CFAP100: variants seen among roughly 807,000 people sequenced by gnomAD.
The protein encoded by CFAP100 is cilia- and flagella-associated protein 100.
In CFAP100, 70 loss-of-function variants were observed where a neutral mutation model predicts 81.5. That is an observed-to-expected ratio of 0.86 (90% CI 0.71 to 1.05). The LOEUF (loss-of-function observed/expected upper bound fraction) is 1.05, where lower values mean the gene tolerates loss of function less well. Ranked by LOEUF, CFAP100 falls within the 50% of genes least tolerant of loss-of-function variation. CFAP100 has a pLI of 0.00. For synonymous variants in CFAP100, 341 were observed against 314.8 expected (o/e 1.08, Z -0.88); for missense variants, 811 against 776.5 (o/e 1.04, Z -0.53).
intron 2 of CFAP100, among the ~76,000 whole-genome samples, chr3:126,401,848 A>G (rs2082989142): frequency 6.6e-6 from 1 of 152,034 alleles, no homozygotes; most frequent in African/African-American, 2.4e-5. Flanking sequence ...TGTGCTCCCC[A>G]GGCTCACACC....
At chr3:126,411,445 T>A (rs2083154863) in intron 3 of CFAP100, among the ~76,000 whole-genome samples, 1 of 143,824 alleles carries the variant, frequency 7.0e-6, no homozygotes, top group Non-Finnish European at 1.5e-5. Flanking sequence ...TCTATGAGGA[T>A]CTCTTCTTTC....
chr3:126,396,405 T>G, intron 2 of CFAP100: 1 of 236,108 alleles, frequency 4.2e-6, no homozygotes, highest in Non-Finnish European at 8.2e-6. Flanking sequence ...CTTTGGCTTG[T>G]AGAAGCATCA....
intron 2 of CFAP100, among the ~76,000 whole-genome samples, chr3:126,405,395 G>A (rs2083047389): frequency 1.3e-5 from 2 of 152,222 alleles, no homozygotes; most frequent in African/African-American, 4.8e-5. Flanking sequence ...TGGCATGGTG[G>A]CTCACACCTA....
intron 11 of CFAP100, among the ~76,000 whole-genome samples, chr3:126,422,533 C>G (rs987766223): frequency 5.9e-5 from 9 of 152,204 alleles, no homozygotes; most frequent in African/African-American, 2.2e-4. Flanking sequence ...CTAGGTGAGG[C>G]CCAGGGTGGA....
chr3:126,426,705 G>C (rs534767021), intron 13 of CFAP100, among the ~76,000 whole-genome samples: 3 of 152,136 alleles, frequency 2.0e-5, no homozygotes, highest in African/African-American at 7.2e-5. Flanking sequence ...AGCTGAGATC[G>C]CACCACTGCA....
rs759274696 is a variant in CFAP100 at position 126,434,323 on chromosome 3, G to A, written c.1570G>A (p.Val524Met). ...LDELLENLEH[V>M]PQVKIEQAER... ...TGAGCTGCTAGAGAACCTGGAGCAC[G>A]TGCCCCAGGTCAAGATCGAGCAGGC... Residue 524 changes from valine (V) to methionine (M), a missense_variant, in exon 15 of 17, where the codon GTG becomes ATG. By Grantham distance (21) the Val-to-Met change is conservative. Coordinates refer to ENST00000352312, the MANE Select transcript of CFAP100 (RefSeq NM_182628.3). 9.9e-6 allele frequency: 16 copies of A among 1,613,972 alleles called. No homozygotes were observed. The highest frequency in any genetic ancestry group is 7.7e-5 in the South Asian group (7 of 91,086).
chr3:126,415,929 C>T (rs906028190), intron 4 of CFAP100, among the ~76,000 whole-genome samples: 2 of 152,238 alleles, frequency 1.3e-5, no homozygotes, highest in East Asian at 1.9e-4. Context: ...ACCCACTACA[C>T]AGTCGTAGTC....
chr3:126,399,065 A>T (rs1476992401), intron 2 of CFAP100, among the ~76,000 whole-genome samples: 8 of 152,138 alleles, frequency 5.3e-5, no homozygotes, highest in Non-Finnish European at 1.2e-4. Flanking sequence ...CACACCCCAC[A>T]GGAGCTCATT....
intron 2 of CFAP100, among the ~76,000 whole-genome samples, chr3:126,402,035 C>T (rs1371432473): frequency 6.6e-6 from 1 of 152,210 alleles, no homozygotes; most frequent in Non-Finnish European, 1.5e-5. Flanking sequence ...ATTTTATGTG[C>T]TTGTTGCCGG....
chr3:126,434,916 A>AG (rs1216231970), intron 15 of CFAP100, among the ~76,000 whole-genome samples: 2 of 152,072 alleles, frequency 1.3e-5, no homozygotes, highest in East Asian at 3.9e-4. Context: ...AGGGGAGTGG[A>AG]GGGGGGCAGA....
chr3:126,434,319 G>C lies in CFAP100; in HGVS notation c.1566G>C (p.Glu522Asp), dbSNP rs1933356061. ...TGGATGAGCTGCTAGAGAACCTGGA[G>C]CACGTGCCCCAGGTCAAGATCGAGC... Reference protein sequence around the residue: ...HQLDELLENLEHVPQVKIEQA... With the variant: ...HQLDELLENLDHVPQVKIEQA... Residue 522 changes from glutamate (E) to aspartate (D), a missense_variant, in exon 15 of 17, where the codon GAG (glutamate) becomes GAC (aspartate). Physicochemically the swap from Glu to Asp is conservative, Grantham distance 45. Transcript: ENST00000352312. 2 of 1,614,016 alleles carry C rather than the reference G, an allele frequency of 1.2e-6. No individual in the cohort carries two copies. Among genetic ancestry groups the C allele is most frequent in the Non-Finnish European group, 8.5e-7 (1 of 1,180,048 alleles).
At position 126,436,470 on chromosome 3, in the gene CFAP100, T is replaced by G. The variant is rs1933451192; in HGVS notation, c.*66T>G. On this transcript the variant is annotated 3_prime_UTR_variant, in exon 17 of 17. Transcript: ENST00000352312. ...AGATGTTGGCAGAGGAAGCAGAGAC[T>G]GGGCTGGGTCTCGAGTGGCCCAACT... 7.7e-7 allele frequency: 1 copy of G among 1,300,582 alleles called. No homozygotes were observed. The highest frequency in any genetic ancestry group is 1.9e-5 in the Admixed American group (1 of 51,596). The allele number at this position is 1,300,582 out of a possible 1,614,324, so 80.6% of individuals were successfully genotyped here.
intron 13 of CFAP100, among the ~76,000 whole-genome samples, chr3:126,432,282 CAA>C (rs58421889): frequency 0.041 from 3,185 of 76,756 alleles, 27 homozygotes; most frequent in Middle Eastern, 0.066. Context: ...GACTCCGTCT[CAA>C]AAAAAAAAAA....
At chr3:126,419,052 C>CCTCCCCCCCCCCCCACCCCT in intron 7 of CFAP100, 24 bp from the exon 8 acceptor site, 1 of 1,002,336 alleles carries the variant, frequency 1.0e-6, no homozygotes, top group Non-Finnish European at 1.5e-6. Flanking sequence ...CCCCATCCCT[C>CCTCCCCCCCCCCCCACCCCT]CTCCCCCGCC....
At chr3:126,395,612 G>A (rs1057078241) in intron 1 of CFAP100, among the ~76,000 whole-genome samples, 2 of 152,176 alleles carry the variant, frequency 1.3e-5, no homozygotes, top group African/African-American at 4.8e-5. Flanking sequence ...GATGGTGAGA[G>A]GTCTCTCTAA....
intron 11 of CFAP100, among the ~76,000 whole-genome samples, chr3:126,423,065 A>G (rs945994535): frequency 6.6e-5 from 10 of 152,190 alleles, no homozygotes; most frequent in African/African-American, 2.4e-4. Flanking sequence ...GCCTCTGGCG[A>G]CAGGTCTGGA....
rs898745296 is a variant in CFAP100 at position 126,400,578 on chromosome 3, C to T, written c.49+4529C>T. Among the ~76,000 whole-genome samples, 10 of 151,948 alleles carry T rather than the reference C, an allele frequency of 6.6e-5. No individual in the cohort carries two copies. The East Asian group carries it at 1.9e-3, about 29-fold the overall frequency. ...ACCATCCTGGCTAACATGGTGAAAC[C>T]CTGTCTCTACTAAAAATACAAAAAA... On this transcript the variant is annotated intron_variant, in intron 2 of 16. Coordinates refer to ENST00000352312, the MANE Select transcript of CFAP100 (RefSeq NM_182628.3).
intron 4 of CFAP100, chr3:126,414,459 C>T (rs2083203222): frequency 8.1e-6 from 5 of 615,502 alleles, no homozygotes; most frequent in South Asian, 5.8e-5. Context: ...GCCACCTCGC[C>T]GCCACTTCCA....
Position 126,416,307 on chromosome 3 carries a change from C to T in CFAP100, c.226-9C>T, listed in dbSNP as rs550664972. 1.4e-5 allele frequency: 22 copies of T among 1,575,132 alleles called. No individual in the cohort carries two copies. The South Asian group carries it at 1.7e-4, about 12-fold the overall frequency. Reference sequence around the variant, plus strand: ...CTGGGCCCCGCCCGACTTGGCCCGACGCCCCCAGGAACGGCAGCAGCAGAA... The same window carrying T: ...CTGGGCCCCGCCCGACTTGGCCCGATGCCCCCAGGAACGGCAGCAGCAGAA... On this transcript the variant is annotated splice_polypyrimidine_tract_variant and intron_variant, in intron 4 of 16. Coordinates refer to ENST00000352312, the MANE Select transcript of CFAP100 (RefSeq NM_182628.3).
Sources: allele counts gnomAD v4.1 joint callset (sites outside exome capture counted in the v4.1 genomes callset), GRCh38; gene constraint gnomAD v4.1.1; transcripts MANE v1.5; gene names NCBI Gene and HGNC (gene_info 2026-07-23, HGNC 2026-07-21).